The following COLEC12 variants were observed in gnomAD, a reference collection of about 807,000 sequenced individuals.
COLEC12 encodes the protein collectin subfamily member 12, also known as collectin-12.
A neutral mutation model predicts 71.1 loss-of-function variants in COLEC12; 33 were observed. The ratio of observed to expected loss-of-function variants is 0.46; its 90% CI spans 0.35 to 0.62. The LOEUF is 0.62. COLEC12 is among the 20% of genes least tolerant of loss of function. The pLI is 0.00. For missense variants in COLEC12, 765 were observed against 916.1 expected (o/e 0.84, Z 2.13); for synonymous variants, 350 against 353.0 (o/e 0.99, Z 0.10).
intron 2 of COLEC12, among the ~76,000 whole-genome samples, chr18:363,818 AT>A (rs1289164633): frequency 1.3e-5 from 2 of 152,096 alleles, no homozygotes; most frequent in Admixed American, 6.6e-5. Context: ...AGTAAAAAAA[AT>A]TTTTTTTATT....
At chr18:361,307 C>T (rs962750574) in intron 2 of COLEC12, among the ~76,000 whole-genome samples, 4 of 152,116 alleles carry the variant, frequency 2.6e-5, no homozygotes, top group African/African-American at 9.7e-5. Flanking sequence ...ACTCTAGATG[C>T]CACGATCTCT....
chr18:322,377 G>A (rs923166048), intron 8 of COLEC12, among the ~76,000 whole-genome samples: 3 of 152,184 alleles, frequency 2.0e-5, no homozygotes, highest in Non-Finnish European at 4.4e-5. Flanking sequence ...GTGAGTTGTA[G>A]AAGGTTGATT....
chr18:327,978 G>T lies in COLEC12; in HGVS notation c.2063+3690C>A, dbSNP rs1404669177. 6.6e-6 allele frequency among the ~76,000 whole-genome samples: 1 copy of T among 152,042 alleles called. No individual in the cohort carries two copies. The highest frequency in any genetic ancestry group is 1.5e-5 in the Non-Finnish European group (1 of 68,032). On this transcript the variant is annotated intron_variant, in intron 8 of 9. Transcript: ENST00000400256. The surrounding 1 kb of genome is among the most constrained non-coding windows in gnomAD (Gnocchi z 4.0). ...CTTCAATCTCCTTCTTTGTTATTAG[G>T]CTGGCCAGGCTATTTCTTCCTTTTT...
chr18:403,974 A>G (rs974001346), intron 2 of COLEC12, among the ~76,000 whole-genome samples: 10 of 152,198 alleles, frequency 6.6e-5, no homozygotes, highest in African/African-American at 2.2e-4. Context: ...TTTTTCCCCA[A>G]ATGTATTCCT....
intron 2 of COLEC12, among the ~76,000 whole-genome samples, chr18:425,750 A>G (rs914351619): frequency 1.3e-5 from 2 of 152,210 alleles, no homozygotes; most frequent in Non-Finnish European, 2.9e-5. Context: ...TAACAGTAGT[A>G]CCATAAATAA....
intron 1 of COLEC12, among the ~76,000 whole-genome samples, chr18:494,508 G>T (rs1917674432): frequency 1.3e-5 from 2 of 152,254 alleles, no homozygotes; most frequent in Middle Eastern, 3.4e-3. Flanking sequence ...GGGCCCCAGG[G>T]GGTTAAGTGA....
chr18:382,705 C>T lies in COLEC12; in HGVS notation c.59-25183G>A, dbSNP rs72859262. Among the ~76,000 whole-genome samples the T allele has an allele frequency of 4.4e-3, 664 of 152,308 alleles. 1 individual carries two copies. Among genetic ancestry groups the T allele is most frequent in the Non-Finnish European group, 7.7e-3 (523 of 68,022 alleles). ...TAGATTAAATGAAATTATGCATTTA[C>T]AGTGAATACAGTATAGGTGGCACAA... is the stretch of plus-strand genomic sequence containing the variant. On this transcript the variant is annotated intron_variant, in intron 2 of 9. Transcript: ENST00000400256.
At chr18:452,083 A>G (rs1916773834) in intron 2 of COLEC12, among the ~76,000 whole-genome samples, 1 of 152,246 alleles carries the variant, frequency 6.6e-6, no homozygotes, top group African/African-American at 2.4e-5. Flanking sequence ...AGCGTCACAT[A>G]TCTTTAAATG....
At chr18:380,513 C>T (rs1915207690) in intron 2 of COLEC12, among the ~76,000 whole-genome samples, 1 of 151,910 alleles carries the variant, frequency 6.6e-6, no homozygotes, top group South Asian at 2.1e-4. Flanking sequence ...GTGCCTAACA[C>T]AGGAAGTACC....
At chr18:332,034 C>G (rs1010737111) in intron 7 of COLEC12, among the ~76,000 whole-genome samples, 7 of 152,160 alleles carry the variant, frequency 4.6e-5, no homozygotes, top group Non-Finnish European at 8.8e-5. Flanking sequence ...CTCAGACAAC[C>G]CAGTGAATGT....
Position 347,083 on chromosome 18 carries a change from T to C in COLEC12, c.539A>G (p.Asn180Ser). Residue 180 changes from asparagine (N) to serine (S), a missense_variant, in exon 5 of 10, where the codon AAT (asparagine) becomes AGT (serine). Asn to Ser is a conservative substitution (Grantham distance 46). Coordinates refer to ENST00000400256, the MANE Select transcript of COLEC12 (RefSeq NM_130386.3). The stretch of plus-strand genomic sequence containing the variant: ...GAGCACGCTGGTATCTTGCTGCAGA[T>C]TCGTGACATAGCCATTATACGCCTG... ...TLQAYNGYVT[N>S]LQQDTSVLQG... The C allele has an allele frequency of 6.2e-7, 1 of 1,614,194 alleles. No homozygotes were observed. Among genetic ancestry groups the C allele is most frequent in the Non-Finnish European group, 8.5e-7 (1 of 1,180,034 alleles).
At chr18:442,733 A>G (rs1331792658) in intron 2 of COLEC12, among the ~76,000 whole-genome samples, 1 of 152,254 alleles carries the variant, frequency 6.6e-6, no homozygotes, top group African/African-American at 2.4e-5. Context: ...AGGCCAAGGC[A>G]GGCGGATCAC....
intron 2 of COLEC12, among the ~76,000 whole-genome samples, chr18:415,616 G>T (rs765219754): frequency 8.6e-5 from 13 of 151,942 alleles, no homozygotes; most frequent in Non-Finnish European, 1.3e-4. Context: ...ACTTAAATTT[G>T]TAAAAGTTGC....
At position 410,166 on chromosome 18, in the gene COLEC12, T is replaced by C. The variant is rs554200101; in HGVS notation, c.59-52644A>G. Among the ~76,000 whole-genome samples the C allele has an allele frequency of 4.6e-5, 7 of 152,384 alleles. No individual in the cohort carries two copies. The East Asian group carries it at 1.2e-3, about 25-fold the overall frequency. On this transcript the variant is annotated intron_variant, in intron 2 of 9. Transcript: ENST00000400256. ...ATAAACCCTAGAAACAAATGTTTCC[T>C]GCAGGTGGTTTGGTATCCTTCTGCT...
intron 2 of COLEC12, among the ~76,000 whole-genome samples, chr18:363,704 A>G (rs1490534872): frequency 3.9e-5 from 6 of 152,372 alleles, no homozygotes; most frequent in Admixed American, 3.3e-4. Context: ...ATGTTACGCA[A>G]TATCACTGGA....
chr18:353,015 T>C (rs779775233), intron 3 of COLEC12, among the ~76,000 whole-genome samples: 2 of 152,246 alleles, frequency 1.3e-5, no homozygotes, highest in Non-Finnish European at 2.9e-5. Context: ...TACCTGAAGA[T>C]CTGTCCCTCT....
intron 2 of COLEC12, among the ~76,000 whole-genome samples, chr18:438,979 T>C (rs17564674): frequency 0.15 from 23,317 of 152,070 alleles, 2,274 homozygotes; most frequent in Non-Finnish European, 0.22. Flanking sequence ...GCAGAAATAA[T>C]GATTTTGGAG....
Position 405,185 on chromosome 18 carries a change from C to T in COLEC12, c.59-47663G>A, listed in dbSNP as rs142060015. 4.2e-3 allele frequency among the ~76,000 whole-genome samples: 642 copies of T among 152,286 alleles called. 4 individuals carry two copies. The highest frequency in any genetic ancestry group is 0.015 in the African/African-American group (625 of 41,534). ...CTGTTATTTAAGATGTTTATCAAGA[C>T]AATACGTGCACCGCTGAACATAGAC... On this transcript the variant is annotated intron_variant, in intron 2 of 9. Coordinates refer to ENST00000400256, the MANE Select transcript of COLEC12 (RefSeq NM_130386.3).
rs1419156764 is a variant in COLEC12, at chr18:327,061, T to C, written c.2063+4607A>G. Among the ~76,000 whole-genome samples, 1 of 152,170 alleles carries C rather than the reference T, an allele frequency of 6.6e-6. No individual in the cohort carries two copies. Among genetic ancestry groups the C allele is most frequent in the Non-Finnish European group, 1.5e-5 (1 of 68,028 alleles). On this transcript the variant is annotated intron_variant, in intron 8 of 9. Coordinates refer to ENST00000400256, the MANE Select transcript of COLEC12 (RefSeq NM_130386.3). The surrounding 1 kb of genome is among the most constrained non-coding windows in gnomAD (Gnocchi z 4.0). ...CTGGCTCATGGCAGACACTTCAAGA[T>C]AATCCATCAAATGTTATCATGAGAC...
Sources: gnomAD v4.1 joint callset for allele counts (sites outside exome capture counted in the v4.1 genomes callset) on GRCh38, gnomAD v4.1.1 for gene constraint, Gnocchi (gnomAD v3.1) non-coding constraint, MANE v1.5 for transcripts, NCBI Gene and HGNC (gene_info 2026-07-23, HGNC 2026-07-21) for gene names.